PRKAR1A: variants seen among roughly 807,000 people sequenced by gnomAD.
The protein encoded by PRKAR1A is cAMP-dependent protein kinase type I-alpha regulatory subunit.
In PRKAR1A, 3 loss-of-function variants were observed where a neutral mutation model predicts 52.0. The observed-to-expected ratio is 0.06, with a 90% confidence interval of 0.03 to 0.15. The LOEUF (loss-of-function observed/expected upper bound fraction) is 0.15. Among genes scored for constraint, PRKAR1A ranks in the 10% least tolerant of loss-of-function variants. The pLI, the probability that PRKAR1A is intolerant of heterozygous loss-of-function variation, is 1.00. For synonymous variants in PRKAR1A, 188 were observed against 168.4 expected, an observed-to-expected ratio of 1.12 and a Z score of -0.90; for missense variants, 240 against 477.4, an observed-to-expected ratio of 0.50 and a Z score of 4.63.
chr17:68,438,945 T>C, the PRKAR1A span, among the ~76,000 whole-genome samples: 3 of 152,166 alleles, frequency 2.0e-5, no homozygotes, highest in African/African-American at 7.2e-5. Flanking sequence ...CACGATGAGA[T>C]ACCACTGTAC....
At chr17:68,472,855 GA>G in the PRKAR1A span, among the ~76,000 whole-genome samples, 1 of 151,728 alleles carries the variant, frequency 6.6e-6, no homozygotes, top group African/African-American at 2.4e-5. Flanking sequence ...TGAGGCACGA[GA>G]ATCACTTCAA....
At chr17:68,511,612 G>A (rs1000480690), upstream of PRKAR1A, among the ~76,000 whole-genome samples, 1 of 152,200 alleles carries the variant, frequency 6.6e-6, no homozygotes, top group East Asian at 1.9e-4. Context: ...GTCCTTTCCC[G>A]TGCCTGGTTT....
the PRKAR1A span, among the ~76,000 whole-genome samples, chr17:68,476,098 T>G: frequency 6.6e-6 from 1 of 152,076 alleles, no homozygotes. Context: ...GCACTAATTG[T>G]TGAGTGCCTA....
chr17:68,538,026 A>G (rs2086145798), downstream of PRKAR1A, among the ~76,000 whole-genome samples: 1 of 152,338 alleles, frequency 6.6e-6, no homozygotes, highest in African/African-American at 2.4e-5. Flanking sequence ...TGACAACGCT[A>G]AGGGAATCAA....
chr17:68,434,495 C>A, the PRKAR1A span: 1 of 1,571,278 alleles, frequency 6.4e-7, no homozygotes. Context: ...TAGACAGCTG[C>A]CAGCGGTCCC....
chr17:68,486,507 T>TTCCTTCCTTCCTTCCTTCCTTCCC, the PRKAR1A span, among the ~76,000 whole-genome samples: 611 of 40,488 alleles, frequency 0.015, 7 homozygotes, highest in Non-Finnish European at 0.021. Context: ...CCTTCCTTCC[T>TTCCTTCCTTCCTTCCTTCCTTCCC]TCTTTCTTTC....
the PRKAR1A span, among the ~76,000 whole-genome samples, chr17:68,492,112 C>T: frequency 4.6e-5 from 7 of 152,188 alleles, no homozygotes; most frequent in Admixed American, 1.3e-4. Flanking sequence ...TAACAGGGAG[C>T]GTGTGTTTAA....
At chr17:68,444,503 T>C in the PRKAR1A span, 1 of 1,613,882 alleles carries the variant, frequency 6.2e-7, no homozygotes, top group African/African-American at 1.3e-5. Context: ...CTGTTGGGTT[T>C]GCAGGAATAT....
chr17:68,501,885 T>C, the PRKAR1A span, among the ~76,000 whole-genome samples: 1 of 152,354 alleles, frequency 6.6e-6, no homozygotes, highest in Non-Finnish European at 1.5e-5. Flanking sequence ...GTTCTCTGAT[T>C]CAGTGAATAG....
chr17:68,542,276 C>T (rs182324207), intron 11 of PRKAR1A: 25 of 1,184,450 alleles, frequency 2.1e-5, no homozygotes, highest in Admixed American at 8.0e-5. Context: ...ACTCACAGCT[C>T]GGGAAGAGAA....
chr17:68,545,281 G>A (rs1439614865), intron 11 of PRKAR1A, among the ~76,000 whole-genome samples: 1 of 152,190 alleles, frequency 6.6e-6, no homozygotes, highest in Non-Finnish European at 1.5e-5. Context: ...TCGGAAAAAA[G>A]CTGGCTAGTT....
the PRKAR1A span, among the ~76,000 whole-genome samples, chr17:68,414,965 A>G: frequency 6.6e-6 from 1 of 152,128 alleles, no homozygotes; most frequent in African/African-American, 2.4e-5. Flanking sequence ...AATTTTATTC[A>G]TATTTTCAAA....
chr17:68,433,760 G>GTTTTTTTTTTTTTTTTTTTTTTT, the PRKAR1A span, among the ~76,000 whole-genome samples: 1 of 72,814 alleles, frequency 1.4e-5, no homozygotes, highest in South Asian at 5.5e-4. Flanking sequence ...AAGGGTCATA[G>GTTTTTTTTTTTTTTTTTTTTTTT]TTTTTTTTTT....
At chr17:68,456,810 G>GA in the PRKAR1A span, among the ~76,000 whole-genome samples, 3 of 152,206 alleles carry the variant, frequency 2.0e-5, no homozygotes, top group African/African-American at 7.2e-5. Context: ...TGGGACAGGG[G>GA]CTGGCCTGGC....
chr17:68,476,283 G>T, the PRKAR1A span, among the ~76,000 whole-genome samples: 1 of 152,130 alleles, frequency 6.6e-6, no homozygotes, highest in Non-Finnish European at 1.5e-5. Context: ...TCTCACTATG[G>T]CTAGAAGTTG....
intron 2 of PRKAR1A, among the ~76,000 whole-genome samples, chr17:68,516,007 A>G (rs963037181): frequency 2.0e-5 from 3 of 152,208 alleles, no homozygotes; most frequent in Admixed American, 6.5e-5. Flanking sequence ...GTAATGAAAC[A>G]TGAATCTAGC....
At chr17:68,477,167 AG>A in the PRKAR1A span, among the ~76,000 whole-genome samples, 1 of 152,228 alleles carries the variant, frequency 6.6e-6, no homozygotes, top group Non-Finnish European at 1.5e-5. Context: ...TGCATATGAC[AG>A]TAATGATCAT....
chr17:68,475,569 T>C, the PRKAR1A span, among the ~76,000 whole-genome samples: 72 of 152,254 alleles, frequency 4.7e-4, no homozygotes, highest in Non-Finnish European at 8.5e-4. Flanking sequence ...GTTCAAGCGA[T>C]TCTCGTGCCT....
At chr17:68,425,521 A>G in the PRKAR1A span, among the ~76,000 whole-genome samples, 1 of 150,454 alleles carries the variant, frequency 6.6e-6, no homozygotes, top group Non-Finnish European at 1.5e-5. Context: ...GCACCCGGCC[A>G]CTTGTTTCTT....
Sources: gnomAD v4.1 joint callset for allele counts (sites outside exome capture counted in the v4.1 genomes callset) on GRCh38, gnomAD v4.1.1 for gene constraint, MANE v1.5 for transcripts, NCBI Gene and HGNC (gene_info 2026-07-23, HGNC 2026-07-21) for gene names.